COL24A1: variants seen among roughly 807,000 people sequenced by gnomAD.
COL24A1 encodes the protein collagen type XXIV alpha 1 chain, also known as collagen alpha-1(XXIV) chain.
A neutral mutation model predicts 253.9 loss-of-function variants in COL24A1; 224 were observed. The ratio of observed to expected loss-of-function variants is 0.88; its 90% CI spans 0.79 to 0.99. COL24A1 has a LOEUF of 0.99. Among genes scored for constraint, COL24A1 ranks in the 50% least tolerant of loss-of-function variants. COL24A1 has a pLI of 0.00. For synonymous variants in COL24A1, 685 were observed against 673.7 expected, an observed-to-expected ratio of 1.02 and a Z score of -0.26; for missense variants, 2,131 against 2,068.5, an observed-to-expected ratio of 1.03 and a Z score of -0.59.
rs762008189 is a variant in COL24A1 at position 85,868,782 on chromosome 1, C to T, written c.3192G>A (p.Lys1064=). The part of the protein sequence containing the change: ...EEGLQGKDGL[K]GVPGGRGLPG... ...ATATAATCTTAAAAGTATAATTTAC[C>T]TTTAACCCATCTTTTCCCTGGAGAC... is the stretch of plus-strand genomic sequence containing the variant. Residue 1064 remains lysine, a splice_region_variant and synonymous_variant, in exon 36 of 60, where the codon AAG becomes AAA. Transcript: ENST00000370571. 3.8e-6 allele frequency: 6 copies of T among 1,560,396 alleles called. No homozygotes were observed. The highest frequency in any genetic ancestry group is 5.2e-6 in the Non-Finnish European group (6 of 1,146,052).
chr1:85,884,679 G>T (rs1682264433), intron 32 of COL24A1, among the ~76,000 whole-genome samples: 1 of 152,110 alleles, frequency 6.6e-6, no homozygotes, highest in South Asian at 2.1e-4. Context: ...GGTGAAATTA[G>T]GTTTTCCTTT....
At position 85,784,266 on chromosome 1, in the gene COL24A1, C is replaced by A; in HGVS notation, c.4160G>T (p.Gly1387Val). The A allele has an allele frequency of 6.2e-7, 1 of 1,613,978 alleles. No homozygotes were observed. Among genetic ancestry groups the A allele is most frequent in the Non-Finnish European group, 8.5e-7 (1 of 1,179,904 alleles). ...TTCTGAGGTGGTACATACAGGCTGC[C>A]CTTTCAGGCCAGGGTCTCCACATGG... ...QGPCGDPGLK[G>V]QPGEYGVQGL... is the part of the protein sequence containing the mutation. Residue 1387 changes from glycine (G) to valine (V), a missense_variant, in exon 49 of 60, where the codon GGG becomes GTG. By Grantham distance (109) the Gly-to-Val change is moderately radical. Coordinates refer to ENST00000370571, the MANE Select transcript of COL24A1 (RefSeq NM_152890.7).
chr1:86,125,458 A>G lies in COL24A1; in HGVS notation c.878T>C (p.Ile293Thr), dbSNP rs17128866. ...CACGGTTTCAGAATCATTTTTTATG[A>G]TATTTGGAATGCTTTTGCCTTCAGT... is the stretch of plus-strand genomic sequence containing the variant. ...TFTEGKSIPN[I>T]IKNDSETVYK... The change falls in exon 3 of 60, where the codon ATC becomes ACC. Residue 293 changes from isoleucine to threonine, a missense_variant. Ile to Thr is a moderately conservative substitution (Grantham distance 89). Coordinates refer to ENST00000370571, the MANE Select transcript of COL24A1 (RefSeq NM_152890.7). 127,921 of 1,613,482 alleles carry G rather than the reference A, an allele frequency of 0.079. 5,613 individuals are homozygous for G. The highest frequency in any genetic ancestry group is 0.16 in the East Asian group (7,051 of 44,836).
At chr1:85,738,418 C>T (rs1664278640) in intron 57 of COL24A1, among the ~76,000 whole-genome samples, 1 of 152,026 alleles carries the variant, frequency 6.6e-6, no homozygotes, top group Non-Finnish European at 1.5e-5. Context: ...AAACTGAGGT[C>T]CCTATAGCTA....
intron 7 of COL24A1, among the ~76,000 whole-genome samples, chr1:86,087,457 G>A (rs1434321503): frequency 1.3e-5 from 2 of 152,030 alleles, no homozygotes; most frequent in African/African-American, 4.8e-5. Flanking sequence ...TTTTGTCTAT[G>A]AATAATATTT....
chr1:85,927,064 A>G (rs1259646528), intron 24 of COL24A1, among the ~76,000 whole-genome samples: 2 of 152,080 alleles, frequency 1.3e-5, no homozygotes, highest in Non-Finnish European at 2.9e-5. Flanking sequence ...GAATGTGTGT[A>G]GGGGGAGGAG....
intron 32 of COL24A1, among the ~76,000 whole-genome samples, chr1:85,882,463 CA>C (rs903329810): frequency 6.7e-6 from 1 of 150,200 alleles, no homozygotes; most frequent in Non-Finnish European, 1.5e-5. Flanking sequence ...GACTCCGTCT[CA>C]AAAAACAAAA....
At chr1:85,804,197 A>C (rs564818968) in intron 47 of COL24A1, among the ~76,000 whole-genome samples, 1 of 152,314 alleles carries the variant, frequency 6.6e-6, no homozygotes, top group Non-Finnish European at 1.5e-5. Context: ...CAAAATACAA[A>C]AATGATGAAG....
intron 12 of COL24A1, among the ~76,000 whole-genome samples, chr1:86,041,397 T>G (rs1223818683): frequency 6.6e-6 from 1 of 152,170 alleles, no homozygotes; most frequent in African/African-American, 2.4e-5. Flanking sequence ...TCCTGGCAAG[T>G]CAGTTCTAGC....
intron 19 of COL24A1, 106 bp downstream of exon 19, chr1:86,017,045 T>C (rs113284571): frequency 0.021 from 22,765 of 1,071,676 alleles, 326 homozygotes; most frequent in Non-Finnish European, 0.025. Flanking sequence ...ATCTAAACTT[T>C]AAAGAGGATC....
chr1:85,957,033 GC>G (rs553933340), intron 24 of COL24A1, among the ~76,000 whole-genome samples: 118 of 152,242 alleles, frequency 7.8e-4, no homozygotes, highest in Non-Finnish European at 1.3e-3. Context: ...ATACTATGCA[GC>G]CATAAAAAAG....
At chr1:86,142,289 C>T (rs571705065) in intron 2 of COL24A1, among the ~76,000 whole-genome samples, 11 of 151,772 alleles carry the variant, frequency 7.2e-5, no homozygotes, top group African/African-American at 1.2e-4. Flanking sequence ...TTTGGGAGGC[C>T]GAGGCGGGAG....
chr1:85,829,749 C>G (rs987184087), intron 43 of COL24A1, among the ~76,000 whole-genome samples: 1 of 152,012 alleles, frequency 6.6e-6, no homozygotes, highest in Non-Finnish European at 1.5e-5. Flanking sequence ...TCACGTAGTT[C>G]TCGAGCCTTG....
At chr1:86,123,218 C>A (rs1280793622) in intron 3 of COL24A1, among the ~76,000 whole-genome samples, 4 of 151,920 alleles carry the variant, frequency 2.6e-5, no homozygotes, top group African/African-American at 9.7e-5. Context: ...TCACCTACTC[C>A]TCTCACCTGT....
In COL24A1 at chr1:86,063,774, G is replaced by A; in HGVS notation, c.1708-15C>T. On this transcript the variant is annotated splice_polypyrimidine_tract_variant and intron_variant, in intron 7 of 59. Coordinates refer to ENST00000370571, the MANE Select transcript of COL24A1 (RefSeq NM_152890.7). ...CCTTTGAGACCCTGTAAAAGAATAAGTGGAGACATGCTATGAAAAGTAAAC... is the reference window on the plus strand; with the variant it reads ...CCTTTGAGACCCTGTAAAAGAATAAATGGAGACATGCTATGAAAAGTAAAC... 1.3e-6 allele frequency: 2 copies of A among 1,515,830 alleles called. No individual in the cohort carries two copies. Among genetic ancestry groups the A allele is most frequent in the Non-Finnish European group, 8.8e-7 (1 of 1,131,160 alleles). 93.9% of individuals were successfully genotyped at this position (1,515,830 alleles called of 1,614,324 possible).
chr1:85,790,800 T>C (rs1049911323), intron 47 of COL24A1, among the ~76,000 whole-genome samples: 16 of 152,234 alleles, frequency 1.1e-4, no homozygotes, highest in Non-Finnish European at 2.2e-4. Flanking sequence ...GTAATATTAC[T>C]ATAGCTATGC....
At chr1:85,831,729 A>T (rs1675310313) in intron 43 of COL24A1, among the ~76,000 whole-genome samples, 1 of 152,082 alleles carries the variant, frequency 6.6e-6, no homozygotes, top group African/African-American at 2.4e-5. Flanking sequence ...TCCGGGCAGT[A>T]AAGTGAGGAC....
intron 47 of COL24A1, among the ~76,000 whole-genome samples, chr1:85,787,461 T>C (rs191909454): frequency 6.6e-6 from 1 of 152,202 alleles, no homozygotes; most frequent in Admixed American, 6.5e-5. Context: ...GACCATGATA[T>C]GTTTGATTTT....
At chr1:85,925,045 C>CA (rs1161143574) in intron 24 of COL24A1, among the ~76,000 whole-genome samples, 1 of 152,036 alleles carries the variant, frequency 6.6e-6, no homozygotes, top group African/African-American at 2.4e-5. Flanking sequence ...AACAGAGAGC[C>CA]AAATCATGAG....
Sources: gnomAD v4.1 joint callset for allele counts (sites outside exome capture counted in the v4.1 genomes callset) on GRCh38, gnomAD v4.1.1 for gene constraint, MANE v1.5 for transcripts, NCBI Gene and HGNC (gene_info 2026-07-23, HGNC 2026-07-21) for gene names.